RP1: variants seen among roughly 807,000 people sequenced by gnomAD.
The protein encoded by RP1 is oxygen-regulated protein 1.
In RP1, 16 loss-of-function variants were observed where a neutral mutation model predicts 14.8. The observed-to-expected ratio is 1.08, with a 90% CI of 0.73 to 1.65. RP1 has a LOEUF of 1.65. Among genes scored for constraint, RP1 ranks in the 40% most tolerant of loss-of-function variants. The pLI, the probability that RP1 is intolerant of heterozygous loss-of-function variation, is 0.00. For synonymous variants in RP1, 876 were observed against 883.6 expected, an observed-to-expected ratio of 0.99 and a Z score of 0.15; for missense variants, 2,631 against 2,535.0, an observed-to-expected ratio of 1.04 and a Z score of -0.81.
intron 1 of RP1, among the ~76,000 whole-genome samples, chr8:54,569,236 C>T (rs932442354): frequency 6.6e-6 from 1 of 152,184 alleles, no homozygotes; most frequent in Non-Finnish European, 1.5e-5. Context: ...GACCAGGCCA[C>T]CTGTCTGCCC....
intron 24 of RP1, among the ~76,000 whole-genome samples, chr8:54,791,971 T>A (rs1810475169): frequency 6.6e-6 from 1 of 152,068 alleles, no homozygotes; most frequent in African/African-American, 2.4e-5. Flanking sequence ...GGGACTCACT[T>A]TAGCTTTAAA....
At chr8:54,650,222 C>G (rs1481494910) in intron 4 of RP1, among the ~76,000 whole-genome samples, 2 of 152,144 alleles carry the variant, frequency 1.3e-5, no homozygotes, top group African/African-American at 2.4e-5. Context: ...TGTTGTCACT[C>G]TTGCCTGAGT....
At chr8:54,743,396 C>T (rs1809146442) in intron 19 of RP1, among the ~76,000 whole-genome samples, 1 of 152,138 alleles carries the variant, frequency 6.6e-6, no homozygotes, top group Admixed American at 6.5e-5. Flanking sequence ...TCAGTTATTA[C>T]TGTGATGGTG....
chr8:54,814,961 A>C (rs1241717525), intron 24 of RP1, among the ~76,000 whole-genome samples: 1 of 152,238 alleles, frequency 6.6e-6, no homozygotes, highest in Non-Finnish European at 1.5e-5. Flanking sequence ...GTGAGCCGAG[A>C]TTGCACCACT....
intron 16 of RP1, among the ~76,000 whole-genome samples, chr8:54,721,046 C>T (rs2129350635): frequency 6.6e-6 from 1 of 152,226 alleles, no homozygotes; most frequent in East Asian, 1.9e-4. Context: ...CTTCTATTGG[C>T]TTATGAGAGT....
At chr8:54,790,305 T>G (rs1810432700) in intron 24 of RP1, among the ~76,000 whole-genome samples, 1 of 152,186 alleles carries the variant, frequency 6.6e-6, no homozygotes, top group South Asian at 2.1e-4. Context: ...CCAGCTGGTC[T>G]GTCTAAAACT....
intron 12 of RP1, among the ~76,000 whole-genome samples, chr8:54,686,111 G>T (rs899553903): frequency 1.6e-4 from 24 of 152,172 alleles, no homozygotes; most frequent in African/African-American, 5.8e-4. Context: ...AGCAGAATGA[G>T]AAGTTCTAAA....
intron 1 of RP1, among the ~76,000 whole-genome samples, chr8:54,571,400 C>G (rs1804519530): frequency 6.6e-6 from 1 of 152,178 alleles, no homozygotes; most frequent in Admixed American, 6.5e-5. Flanking sequence ...TGGTGCCTAA[C>G]ATATCATAGG....
At chr8:54,594,621 A>T (rs1458254374) in intron 1 of RP1, among the ~76,000 whole-genome samples, 1 of 152,200 alleles carries the variant, frequency 6.6e-6, no homozygotes, top group Non-Finnish European at 1.5e-5. Context: ...CAAAATTAAG[A>T]CTTAAATTTG....
In RP1 at chr8:54,625,163, T is replaced by C; in HGVS notation, c.1281T>C (p.Asn427=). The C allele has an allele frequency of 6.2e-7, 1 of 1,614,166 alleles. No individual in the cohort carries two copies. Among genetic ancestry groups the C allele is most frequent in the Non-Finnish European group, 8.5e-7 (1 of 1,180,030 alleles). The part of the protein sequence containing the change: ...AETCSSASWE[N]ATVDTDIIQG... ...CTTGCAGTTCTGCTAGTTGGGAGAA[T>C]GCTACTGTGGACACAGATATCATCC... is the stretch of plus-strand genomic sequence containing the variant. The change falls in exon 4 of 4, where the codon AAT becomes AAC. Residue 427 remains asparagine, a synonymous_variant. Coordinates refer to ENST00000220676, the MANE Select transcript of RP1 (RefSeq NM_006269.2).
intron 1 of RP1, among the ~76,000 whole-genome samples, chr8:54,598,580 A>G (rs1053401964): frequency 3.3e-5 from 5 of 152,210 alleles, no homozygotes; most frequent in Admixed American, 2.0e-4. Context: ...CTTTCCTTAT[A>G]TTCCCAAATT....
chr8:54,830,844 A>T (rs1811502284), intron 24 of RP1, among the ~76,000 whole-genome samples: 1 of 152,192 alleles, frequency 6.6e-6, no homozygotes, highest in East Asian at 1.9e-4. Context: ...CTCTGTACAC[A>T]TTCAGCAATT....
chr8:54,647,368 C>G (rs1367502554), intron 3 of RP1, among the ~76,000 whole-genome samples: 2 of 152,058 alleles, frequency 1.3e-5, no homozygotes, highest in Admixed American at 6.6e-5. Context: ...GAGCCAAGGT[C>G]ATACCACTGC....
rs555620630 is a variant in RP1 at position 54,563,128 on chromosome 8, G to A, written c.-13+3808G>A. On this transcript the variant is annotated intron_variant, in intron 1 of 22. Coordinates refer to the RP1 transcript ENST00000636932. ...AGAGAGAGAGAGGAAAACATAATTT[G>A]TTTCCCCCCACACCTCAGAGCAGAA... Among the ~76,000 whole-genome samples the A allele has an allele frequency of 1.6e-4, 24 of 152,280 alleles. No individual in the cohort carries two copies. The South Asian group carries it at 5.0e-3, about 32-fold the overall frequency.
intron 1 of RP1, among the ~76,000 whole-genome samples, chr8:54,604,355 T>C (rs143738374): frequency 0.34 from 52,157 of 152,052 alleles, 9,513 homozygotes; most frequent in Middle Eastern, 0.49. Context: ...GATTTGTGTA[T>C]GTTGAACCAG....
intron 18 of RP1, among the ~76,000 whole-genome samples, chr8:54,737,535 T>C (rs1808963575): frequency 6.6e-6 from 1 of 152,204 alleles, no homozygotes; most frequent in South Asian, 2.1e-4. Flanking sequence ...TCCTGCTTCC[T>C]CTGGGAGGAA....
rs1806172448 is a variant in RP1 at position 54,629,091 on chromosome 8, G to A, written c.5209G>A (p.Glu1737Lys). 1 of 1,614,118 alleles carries A rather than the reference G, an allele frequency of 6.2e-7. No individual in the cohort carries two copies. Among genetic ancestry groups the A allele is most frequent in the Non-Finnish European group, 8.5e-7 (1 of 1,179,972 alleles). Residue 1737 changes from glutamate to lysine, a missense_variant, in exon 4 of 4, where the codon GAA becomes AAA. Glu to Lys is a moderately conservative substitution (Grantham distance 56). Transcript: ENST00000220676. Reference sequence around the variant, plus strand: ...TAGCAGAATCCTCACAGACATAGAGGAAGGAGTACTGATTGACAAAGGCAA... The same window carrying A: ...TAGCAGAATCCTCACAGACATAGAGAAAGGAGTACTGATTGACAAAGGCAA... ...DDSRILTDIEEGVLIDKGKWL... is the reference protein window; with the variant it reads ...DDSRILTDIEKGVLIDKGKWL...
chr8:54,840,680 T>C (rs1811771232), intron 25 of RP1, among the ~76,000 whole-genome samples: 1 of 151,114 alleles, frequency 6.6e-6, no homozygotes, highest in Admixed American at 6.6e-5. Flanking sequence ...AAATGAGCTA[T>C]TGATTTTGGG....
chr8:54,619,662 A>G (rs1236006618), intron 1 of RP1, among the ~76,000 whole-genome samples: 1 of 152,252 alleles, frequency 6.6e-6, no homozygotes, highest in East Asian at 1.9e-4. Context: ...CTTTAGAACT[A>G]CTAGTGGGAC....
Sources: gnomAD v4.1 joint callset for allele counts (sites outside exome capture counted in the v4.1 genomes callset) on GRCh38, gnomAD v4.1.1 for gene constraint, MANE v1.5 for transcripts, NCBI Gene and HGNC (gene_info 2026-07-23, HGNC 2026-07-21) for gene names.